Variants in PIEZO2 observed in about 807,000 individuals in gnomAD.
PIEZO2 encodes the protein piezo type mechanosensitive ion channel component 2, also known as piezo-type mechanosensitive ion channel component 2.
Under a neutral mutation model 337.3 loss-of-function variants are expected in PIEZO2, and 172 were observed. That is an observed-to-expected ratio of 0.51 (90% CI 0.45 to 0.58). PIEZO2 has a LOEUF of 0.58. Among genes scored for constraint, PIEZO2 ranks in the 20% least tolerant of loss-of-function variants. The pLI, the probability that PIEZO2 is intolerant of heterozygous loss-of-function variation, is 0.00. For synonymous variants in PIEZO2, 1,251 were observed against 1,228.5 expected (o/e 1.02, Z -0.38); for missense variants, 3,028 against 3,391.3 (o/e 0.89, Z 2.66).
intron 18 of PIEZO2, among the ~76,000 whole-genome samples, chr18:10,776,111 TTCTC>T (rs1323863239): frequency 2.6e-5 from 4 of 152,216 alleles, no homozygotes; most frequent in Non-Finnish European, 5.9e-5. Context: ...CCTTTTACTT[TTCTC>T]TCTCTCTTTT....
At position 11,105,659 on chromosome 18, in the gene PIEZO2, A is replaced by G. The variant is rs2039537202; in HGVS notation, c.65-39437T>C. Among the ~76,000 whole-genome samples the G allele has an allele frequency of 6.6e-6, 1 of 152,176 alleles. No individual in the cohort carries two copies. The highest frequency in any genetic ancestry group is 2.4e-5 in the African/African-American group (1 of 41,452). On this transcript the variant is annotated intron_variant, in intron 1 of 55. Coordinates refer to ENST00000674853, the MANE Select transcript of PIEZO2 (RefSeq NM_001378183.1). The surrounding 1 kb of genome is among the most constrained non-coding windows in gnomAD (Gnocchi z 4.3). ...CCACAGAAGCCTGGAAGCCGCTACA[A>G]AGCAATATTTCAACATCACGTGTCC... is the stretch of plus-strand genomic sequence containing the variant.
At chr18:11,022,362 A>G (rs1383816732) in intron 2 of PIEZO2, among the ~76,000 whole-genome samples, 1 of 152,262 alleles carries the variant, frequency 6.6e-6, no homozygotes, top group Non-Finnish European at 1.5e-5. Flanking sequence ...AAGGCAGTGC[A>G]GGAAGCATGC....
chr18:10,844,834 A>ACCCTACCTCATAGGG (rs2041306081), intron 7 of PIEZO2, among the ~76,000 whole-genome samples: 1 of 151,624 alleles, frequency 6.6e-6, no homozygotes, highest in Admixed American at 6.6e-5. Flanking sequence ...TATTATGAGA[A>ACCCTACCTCATAGGG]TTAAATGAGA....
intron 2 of PIEZO2, among the ~76,000 whole-genome samples, chr18:10,985,533 C>T (rs2034837614): frequency 6.6e-6 from 1 of 152,010 alleles, no homozygotes; most frequent in Non-Finnish European, 1.5e-5. Flanking sequence ...TATTCTATTC[C>T]ATTGTTCTAT....
chr18:10,739,723 T>C (rs2037143258), intron 33 of PIEZO2: 1 of 152,212 alleles, frequency 6.6e-6, no homozygotes, highest in African/African-American at 2.4e-5. Flanking sequence ...TCTTTTGTCT[T>C]TGGACTTGGG....
rs995970063 is a variant in PIEZO2, at chr18:11,146,761, G to A, written c.64+1764C>T. 2.0e-5 allele frequency among the ~76,000 whole-genome samples: 3 copies of A among 152,212 alleles called. No individual in the cohort carries two copies. Among genetic ancestry groups the A allele is most frequent in the Non-Finnish European group, 4.4e-5 (3 of 68,038 alleles). On this transcript the variant is annotated intron_variant, in intron 1 of 55. Coordinates refer to ENST00000674853, the MANE Select transcript of PIEZO2 (RefSeq NM_001378183.1). This position sits in a 1 kb window ranked among gnomAD's most constrained non-coding sequence, Gnocchi z 6.1. ...AGTCACAGAGTGGACCGAGCTGGCT[G>A]CAGGGAACCACATGCCTAACTCTTC...
At chr18:10,715,956 A>C in intron 37 of PIEZO2, 140 bp from the exon 38 acceptor site, 4 of 681,020 alleles carry the variant, frequency 5.9e-6, no homozygotes, top group South Asian at 2.1e-5. Context: ...TCAGATACTC[A>C]TGACGCACGG....
chr18:10,906,977 A>T (rs1443783358), intron 4 of PIEZO2, among the ~76,000 whole-genome samples: 1 of 152,192 alleles, frequency 6.6e-6, no homozygotes, highest in Non-Finnish European at 1.5e-5. Flanking sequence ...TTTAAAATCC[A>T]GTCTGAAATT....
chr18:10,915,334 C>A (rs1240472785), intron 3 of PIEZO2, among the ~76,000 whole-genome samples: 12 of 143,998 alleles, frequency 8.3e-5, no homozygotes, highest in African/African-American at 3.1e-4. Flanking sequence ...GATGCCCTCG[C>A]CTTCCCTCAC....
intron 7 of PIEZO2, among the ~76,000 whole-genome samples, chr18:10,839,772 G>A (rs915125478): frequency 1.4e-4 from 18 of 128,780 alleles, no homozygotes; most frequent in South Asian, 3.0e-4. Flanking sequence ...TGACCAAGGA[G>A]TATCATTTTT....
chr18:10,773,896 C>A lies in PIEZO2; in HGVS notation c.2567+110G>T. The stretch of plus-strand genomic sequence containing the variant: ...TAGTTGGTAATGAGAGCTATCAACA[C>A]CTAAACTTGACATTTTTCCCAGAGG... On this transcript the variant is annotated intron_variant, in intron 19 of 55. Transcript: ENST00000674853. The surrounding 1 kb of genome is among the most constrained non-coding windows in gnomAD (Gnocchi z 5.3). 1.5e-6 allele frequency: 1 copy of A among 658,788 alleles called. No individual in the cohort carries two copies. 40.8% of individuals were successfully genotyped at this position (658,788 alleles called of 1,614,324 possible).
rs750923419 is a variant in PIEZO2, at chr18:10,670,660, C to T, written c.*867G>A. 6.6e-6 allele frequency: 1 copy of T among 152,250 alleles called. No homozygotes were observed. The highest frequency in any genetic ancestry group is 1.5e-5 in the Non-Finnish European group (1 of 68,012). 9.4% of individuals were successfully genotyped at this position (152,250 alleles called of 1,614,324 possible). On this transcript the variant is annotated 3_prime_UTR_variant, in exon 56 of 56. Transcript: ENST00000674853. ...AAAGCACGTTAAGGGAAGGGGAAGG[C>T]AGAAGAGCGGTCCTGACCTCAGTTA...
Position 11,102,325 on chromosome 18 carries a change from C to T in PIEZO2, c.65-36103G>A, listed in dbSNP as rs2039444176. On this transcript the variant is annotated intron_variant, in intron 1 of 55. Coordinates refer to ENST00000674853, the MANE Select transcript of PIEZO2 (RefSeq NM_001378183.1). This position sits in a 1 kb window ranked among gnomAD's most constrained non-coding sequence, Gnocchi z 5.7. ...ACATCCCATGACTTTTCTGCTCTCT[C>T]TTAGATAACAGACAGTTTTTGGTAA... Among the ~76,000 whole-genome samples, 1 of 152,236 alleles carries T rather than the reference C, an allele frequency of 6.6e-6. No individual in the cohort carries two copies. Among genetic ancestry groups the T allele is most frequent in the African/African-American group, 2.4e-5 (1 of 41,460 alleles).
rs2034594710 is a variant in PIEZO2, at chr18:10,979,765, A to C, written c.161-105T>G. On this transcript the variant is annotated intron_variant, in intron 2 of 55. Transcript: ENST00000674853. This position sits in a 1 kb window ranked among gnomAD's most constrained non-coding sequence, Gnocchi z 4.0. ...ATAACCTATTAGATAGACCGACTCAAAAGTATATGGAATGTAATAATTATC... is the reference window on the plus strand; with the variant it reads ...ATAACCTATTAGATAGACCGACTCACAAGTATATGGAATGTAATAATTATC... 2 of 993,532 alleles carry C rather than the reference A, an allele frequency of 2.0e-6. No homozygotes were observed. The allele number at this position is 993,532 out of a possible 1,614,324, so 61.5% of individuals were successfully genotyped here.
rs1450908404 is a variant in PIEZO2 at position 10,750,692 on chromosome 18, T to C, written c.4168-505A>G. Among the ~76,000 whole-genome samples, 1 of 152,224 alleles carries C rather than the reference T, an allele frequency of 6.6e-6. No homozygotes were observed. Among genetic ancestry groups the C allele is most frequent in the Non-Finnish European group, 1.5e-5 (1 of 68,044 alleles). ...TCGGTAAAGGAGTATTTTTTGTAGA[T>C]TGGCAGGTGGTTGTCTCATAACAAT... On this transcript the variant is annotated intron_variant, in intron 28 of 55. Coordinates refer to ENST00000674853, the MANE Select transcript of PIEZO2 (RefSeq NM_001378183.1). This position sits in a 1 kb window ranked among gnomAD's most constrained non-coding sequence, Gnocchi z 4.1.
At position 10,830,277 on chromosome 18, in the gene PIEZO2, A is replaced by G. The variant is rs1006399220; in HGVS notation, c.918-23003T>C. On this transcript the variant is annotated intron_variant, in intron 7 of 55. Transcript: ENST00000674853. The surrounding 1 kb of genome is among the most constrained non-coding windows in gnomAD (Gnocchi z 4.7). Reference sequence around the variant, plus strand: ...ACACTAGACCCCTATCTCTCACCACACACAACAATAAATCAAAATGAATTA... The same window carrying G: ...ACACTAGACCCCTATCTCTCACCACGCACAACAATAAATCAAAATGAATTA... Among the ~76,000 whole-genome samples, 1 of 152,208 alleles carries G rather than the reference A, an allele frequency of 6.6e-6. No homozygotes were observed. Among genetic ancestry groups the G allele is most frequent in the Non-Finnish European group, 1.5e-5 (1 of 68,026 alleles).
chr18:10,698,705 T>C (rs1184371968), intron 44 of PIEZO2, among the ~76,000 whole-genome samples: 4 of 152,204 alleles, frequency 2.6e-5, no homozygotes, highest in Non-Finnish European at 4.4e-5. Context: ...CTGAAACCCT[T>C]GTCCTGAGAT....
Position 11,127,803 on chromosome 18 carries a change from A to ATATG in PIEZO2, c.64+20721_64+20722insCATA, listed in dbSNP as rs149768854. 6.8e-6 allele frequency among the ~76,000 whole-genome samples: 1 copy of ATATG among 146,756 alleles called. No individual in the cohort carries two copies. The highest frequency in any genetic ancestry group is 2.2e-4 in the South Asian group (1 of 4,586). ...TGCATATACGTGTGTGTGTGTGTGC[A>ATATG]TGTGTGTGTGTGTGTGTGTGTGTAT... On this transcript the variant is annotated intron_variant, in intron 1 of 55. Transcript: ENST00000674853. The surrounding 1 kb of genome is among the most constrained non-coding windows in gnomAD (Gnocchi z 4.5).
chr18:10,693,356 T>TTGTGTGTGTGTGTGTGTG (rs1174582024), intron 47 of PIEZO2, among the ~76,000 whole-genome samples: 1,444 of 89,946 alleles, frequency 0.016, 22 homozygotes, highest in East Asian at 0.083. Context: ...AATCTGGATT[T>TTGTGTGTGTGTGTGTGTG]TGTGTGTGTG....
Sources: allele counts gnomAD v4.1 joint callset (sites outside exome capture counted in the v4.1 genomes callset), GRCh38; gene constraint gnomAD v4.1.1; non-coding constraint Gnocchi (gnomAD v3.1); transcripts MANE v1.5; gene names NCBI Gene and HGNC (gene_info 2026-07-23, HGNC 2026-07-21).